The following ALDH1A2 variants were observed in gnomAD, a reference collection of about 807,000 sequenced individuals.
ALDH1A2 encodes the protein retinal dehydrogenase 2.
A neutral mutation model predicts 60.3 loss-of-function variants in ALDH1A2; 27 were observed. That is an observed-to-expected ratio of 0.45 (90% CI 0.33 to 0.62). ALDH1A2 has a LOEUF of 0.62. Ranked by LOEUF, ALDH1A2 falls within the 20% of genes least tolerant of loss-of-function variation. The pLI is 0.02. For missense variants in ALDH1A2, 581 were observed against 643.8 expected, an observed-to-expected ratio of 0.90 and a Z score of 1.06; for synonymous variants, 289 against 232.4, an observed-to-expected ratio of 1.24 and a Z score of -2.21.
rs115505306 is a variant in ALDH1A2 at position 58,008,595 on chromosome 15, A to G, written c.493+2054T>C. ...GTACCGTTAGGCCAAATAGAGATCT[A>G]TGTGCATTGCCTTCTGTTTCACAAT... On this transcript the variant is annotated intron_variant, in intron 4 of 12. Transcript: ENST00000249750. Among the ~76,000 whole-genome samples, 765 of 152,246 alleles carry G rather than the reference A, an allele frequency of 5.0e-3. 9 individuals carry two copies. The highest frequency in any genetic ancestry group is 0.018 in the African/African-American group (731 of 41,556).
chr15:57,955,363 T>C lies in ALDH1A2; in HGVS notation c.1485-94A>G. The C allele has an allele frequency of 4.6e-6, 6 of 1,309,622 alleles. No homozygotes were observed. The East Asian group carries it at 6.9e-5, about 15-fold the overall frequency. The allele number at this position is 1,309,622 out of a possible 1,614,324, so 81.1% of individuals were successfully genotyped here. On this transcript the variant is annotated intron_variant, in intron 12 of 12. Coordinates refer to ENST00000249750, the MANE Select transcript of ALDH1A2 (RefSeq NM_003888.4). The stretch of plus-strand genomic sequence containing the variant: ...TCCTGGGGAGGTGCAGTTTATCACC[T>C]GCGAACAGCAAGTCCTGGGATGTTC...
At position 57,962,110 on chromosome 15, in the gene ALDH1A2, G is replaced by A; in HGVS notation, c.1153C>T (p.Leu385=). 1 of 1,614,138 alleles carries A rather than the reference G, an allele frequency of 6.2e-7. No individual in the cohort carries two copies. Among genetic ancestry groups the A allele is most frequent in the Non-Finnish European group, 8.5e-7 (1 of 1,180,004 alleles). The part of the protein sequence containing the change: ...IQSGVAEGAK[L]ECGGKGLGRK... ...CCCAGTCCTTTGCCTCCACATTCCAGCTTGGCGCCCTCAGCCACACCACTC... is the reference window on the plus strand; with the variant it reads ...CCCAGTCCTTTGCCTCCACATTCCAACTTGGCGCCCTCAGCCACACCACTC... Residue 385 remains leucine (L), a synonymous_variant, in exon 10 of 13, where the codon CTG becomes TTG. Transcript: ENST00000249750.
In ALDH1A2 at chr15:57,996,298, CCTCT is replaced by C. The variant is rs35255029; in HGVS notation, c.494-1163_494-1160del. On this transcript the variant is annotated intron_variant, in intron 4 of 12. Transcript: ENST00000249750. Reference sequence around the variant, plus strand: ...TTAAATAATTACATTAAAGTCTTGGCCTCTCTCTCTCTCTCTCTCTCTTACTCTC... The same window carrying C: ...TTAAATAATTACATTAAAGTCTTGGCCTCTCTCTCTCTCTCTCTTACTCTC... Among the ~76,000 whole-genome samples, 43 of 144,806 alleles carry C rather than the reference CCTCT, an allele frequency of 3.0e-4. 1 individual carries two copies. Among genetic ancestry groups the C allele is most frequent in the African/African-American group, 5.6e-4 (22 of 39,546 alleles). The allele number at this position is 144,806 out of a possible 152,430, so 95.0% of individuals were successfully genotyped here.
chr15:57,995,958 C>T (rs1895047548), intron 4 of ALDH1A2, among the ~76,000 whole-genome samples: 1 of 152,122 alleles, frequency 6.6e-6, no homozygotes, highest in East Asian at 1.9e-4. Context: ...AAGAATGGCT[C>T]ATTTTTAGCA....
chr15:57,985,509 A>G (rs1894667373), intron 7 of ALDH1A2, among the ~76,000 whole-genome samples: 2 of 152,212 alleles, frequency 1.3e-5, no homozygotes, highest in African/African-American at 2.4e-5. Context: ...AATTTTGTAC[A>G]AAACCAAGTG....
At chr15:57,980,918 C>T (rs1352076514) in intron 7 of ALDH1A2, among the ~76,000 whole-genome samples, 1 of 152,102 alleles carries the variant, frequency 6.6e-6, no homozygotes, top group Admixed American at 6.6e-5. Flanking sequence ...TGGTCCTGGG[C>T]TTTTCTTTTT....
At chr15:58,030,525 G>A (rs544843085) in intron 1 of ALDH1A2, among the ~76,000 whole-genome samples, 1 of 152,234 alleles carries the variant, frequency 6.6e-6, no homozygotes, top group South Asian at 2.1e-4. Context: ...GCATAGTATT[G>A]GAAGTTCTGG....
intron 10 of ALDH1A2, 22 bp downstream of exon 10, chr15:57,961,990 G>GT (rs1566928901): frequency 6.2e-7 from 1 of 1,613,994 alleles, no homozygotes; most frequent in Admixed American, 1.7e-5. Context: ...TGTGGCTTTT[G>GT]TAAGAACAGC....
chr15:58,014,006 AGAGG>A lies in ALDH1A2; in HGVS notation c.223-12_223-9del. The A allele has an allele frequency of 6.2e-7, 1 of 1,614,130 alleles. No individual in the cohort carries two copies. The highest frequency in any genetic ancestry group is 8.5e-7 in the Non-Finnish European group (1 of 1,179,984). The stretch of plus-strand genomic sequence containing the variant: ...TGCTTTGTCTATATCTGCCTGTTAG[AGAGG>A]AAGAGGCACAACTGAAGAAAAACAC... On this transcript the variant is annotated splice_polypyrimidine_tract_variant and intron_variant, in intron 2 of 12. Transcript: ENST00000249750.
At chr15:58,018,421 G>C (rs1342393813) in intron 1 of ALDH1A2, among the ~76,000 whole-genome samples, 3 of 151,968 alleles carry the variant, frequency 2.0e-5, no homozygotes, top group African/African-American at 7.3e-5. Flanking sequence ...GAGATGATGG[G>C]ATTAGATGAT....
chr15:58,056,204 G>C (rs1365513835), intron 1 of ALDH1A2, among the ~76,000 whole-genome samples: 5 of 152,082 alleles, frequency 3.3e-5, no homozygotes, highest in Admixed American at 1.3e-4. Flanking sequence ...TAAGTTTGTG[G>C]AACACAGCAC....
intron 1 of ALDH1A2, among the ~76,000 whole-genome samples, chr15:58,039,471 T>C (rs1307474869): frequency 2.0e-5 from 3 of 151,790 alleles, no homozygotes; most frequent in Non-Finnish European, 2.9e-5. Context: ...CAACCTCAAT[T>C]GTGAAGGCCA....
intron 1 of ALDH1A2, among the ~76,000 whole-genome samples, chr15:58,025,145 A>G (rs1274682426): frequency 1.3e-5 from 2 of 152,140 alleles, no homozygotes. Flanking sequence ...ACGCGAAGAA[A>G]CCAAACCCCA....
rs771604926 is a variant in ALDH1A2 at position 58,065,663 on chromosome 15, G to T, written c.-13C>A. The T allele has an allele frequency of 1.3e-6, 2 of 1,566,718 alleles. No individual in the cohort carries two copies. Among genetic ancestry groups the T allele is most frequent in the Non-Finnish European group, 1.7e-6 (2 of 1,153,528 alleles). On this transcript the variant is annotated 5_prime_UTR_variant, in exon 1 of 13. Transcript: ENST00000249750. ...TGCTGGAAGTCATGGTGGCGGGCCGGGTGTCCCTAGCCCGCGGCGTGGGGC... is the reference window on the plus strand; with the variant it reads ...TGCTGGAAGTCATGGTGGCGGGCCGTGTGTCCCTAGCCCGCGGCGTGGGGC...
At chr15:57,968,712 A>C (rs1893970730) in intron 7 of ALDH1A2, among the ~76,000 whole-genome samples, 1 of 152,214 alleles carries the variant, frequency 6.6e-6, no homozygotes, top group Admixed American at 6.5e-5. Context: ...ACATAGTAAG[A>C]TGCTGAGTAA....
At position 58,004,250 on chromosome 15, in the gene ALDH1A2, T is replaced by C. The variant is rs181599176; in HGVS notation, c.493+6399A>G. 1.6e-3 allele frequency among the ~76,000 whole-genome samples: 249 copies of C among 151,988 alleles called. 1 individual carries two copies. Among genetic ancestry groups the C allele is most frequent in the Admixed American group, 0.011 (163 of 15,228 alleles). On this transcript the variant is annotated intron_variant, in intron 4 of 12. Transcript: ENST00000249750. ...TGTAGTCAAAGTGAAATCTATCCTT[T>C]ATGGGGAGAAATAAAACAAGTACTT...
chr15:57,986,333 G>C (rs1185489802), intron 7 of ALDH1A2, among the ~76,000 whole-genome samples: 2 of 151,990 alleles, frequency 1.3e-5, no homozygotes, highest in Non-Finnish European at 2.9e-5. Flanking sequence ...AGATCTTGTT[G>C]AACACTGGGG....
At chr15:58,036,144 A>T (rs1896371851) in intron 1 of ALDH1A2, among the ~76,000 whole-genome samples, 1 of 151,764 alleles carries the variant, frequency 6.6e-6, no homozygotes, top group African/African-American at 2.4e-5. Flanking sequence ...GTATATTTTT[A>T]GATGACATTA....
intron 1 of ALDH1A2, among the ~76,000 whole-genome samples, chr15:58,047,286 A>G (rs139165305): frequency 9.2e-5 from 14 of 152,172 alleles, no homozygotes; most frequent in Admixed American, 4.6e-4. Context: ...TAAACTCTGC[A>G]GTAGATTGTA....
Sources: allele counts gnomAD v4.1 joint callset (sites outside exome capture counted in the v4.1 genomes callset), GRCh38; gene constraint gnomAD v4.1.1; transcripts MANE v1.5; gene names NCBI Gene and HGNC (gene_info 2026-07-23, HGNC 2026-07-21).